JPH1: variants seen among roughly 807,000 people sequenced by gnomAD.
The protein encoded by JPH1 is junctophilin 1.
In JPH1, 12 loss-of-function variants were observed where a neutral mutation model predicts 53.6. That is an observed-to-expected ratio of 0.22 (90% confidence interval 0.14 to 0.36). The LOEUF is 0.36. JPH1 is among the 10% of genes least tolerant of loss of function. JPH1 has a pLI of 1.00. For missense variants in JPH1, 808 were observed against 905.5 expected, an observed-to-expected ratio of 0.89 and a Z score of 1.38; for synonymous variants, 375 against 363.8, an observed-to-expected ratio of 1.03 and a Z score of -0.35.
chr8:74,312,248 A>G (rs1808018140), intron 2 of JPH1, among the ~76,000 whole-genome samples: 1 of 150,098 alleles, frequency 6.7e-6, no homozygotes, highest in African/African-American at 2.5e-5. Flanking sequence ...CCTTCTTAAC[A>G]AATTCTTTTT....
chr8:74,270,143 G>C (rs1348980426), intron 2 of JPH1, among the ~76,000 whole-genome samples: 1 of 151,910 alleles, frequency 6.6e-6, no homozygotes, highest in African/African-American at 2.4e-5. Flanking sequence ...ACACAGTTTA[G>C]GAAACATCTT....
intron 2 of JPH1, among the ~76,000 whole-genome samples, chr8:74,284,273 AAAAT>A (rs1309090073): frequency 1.3e-5 from 2 of 152,232 alleles, no homozygotes; most frequent in African/African-American, 4.8e-5. Flanking sequence ...AAATTTTTAT[AAAAT>A]AAAATGCAGG....
At chr8:74,285,055 C>T (rs1287412801) in intron 2 of JPH1, among the ~76,000 whole-genome samples, 1 of 152,064 alleles carries the variant, frequency 6.6e-6, no homozygotes, top group East Asian at 1.9e-4. Flanking sequence ...GAACTCCTGA[C>T]CTTGTAATCC....
chr8:74,254,432 A>G (rs1390199782), intron 3 of JPH1, among the ~76,000 whole-genome samples: 1 of 152,234 alleles, frequency 6.6e-6, no homozygotes, highest in Non-Finnish European at 1.5e-5. Context: ...CCCACAGCCA[A>G]TATCATACTG....
chr8:74,258,637 T>C (rs775727366), intron 3 of JPH1, among the ~76,000 whole-genome samples: 13 of 152,292 alleles, frequency 8.5e-5, no homozygotes, highest in South Asian at 4.1e-4. Flanking sequence ...CTTTGAACTT[T>C]AGTTCAGATA....
At chr8:74,252,120 T>C (rs1289727457) in intron 3 of JPH1, among the ~76,000 whole-genome samples, 1 of 152,186 alleles carries the variant, frequency 6.6e-6, no homozygotes, top group East Asian at 1.9e-4. Context: ...GCTAGCCATA[T>C]GTAGAAAGCT....
chr8:74,319,891 C>T (rs1475322216), intron 1 of JPH1, among the ~76,000 whole-genome samples: 2 of 152,214 alleles, frequency 1.3e-5, no homozygotes, highest in Non-Finnish European at 2.9e-5. Flanking sequence ...CAAGGAAATT[C>T]ATCAGGTTTT....
rs1048089029 is a variant in JPH1, at chr8:74,320,255, A to T, written c.379+654T>A. The stretch of plus-strand genomic sequence containing the variant: ...CCAATACTTTAAGAAACGGAATGAA[A>T]ACTAGGAACTCACACACTCTGAACT... On this transcript the variant is annotated intron_variant, in intron 1 of 5. Transcript: ENST00000342232. The surrounding 1 kb of genome is among the most constrained non-coding windows in gnomAD (Gnocchi z 4.4). 3.3e-5 allele frequency among the ~76,000 whole-genome samples: 5 copies of T among 152,180 alleles called. No homozygotes were observed. The highest frequency in any genetic ancestry group is 7.4e-5 in the Non-Finnish European group (5 of 68,024).
At chr8:74,301,300 C>T (rs1217264550) in intron 2 of JPH1, among the ~76,000 whole-genome samples, 1 of 152,194 alleles carries the variant, frequency 6.6e-6, no homozygotes, top group African/African-American at 2.4e-5. Context: ...TTTGAAGACT[C>T]CCCAAAGCCA....
At chr8:74,240,751 T>C (rs1281140362) in intron 4 of JPH1, among the ~76,000 whole-genome samples, 1 of 152,220 alleles carries the variant, frequency 6.6e-6, no homozygotes, top group Non-Finnish European at 1.5e-5. Context: ...ACATAGACTT[T>C]GGTGTCTTAC....
At chr8:74,279,880 C>T (rs1478218270) in intron 2 of JPH1, among the ~76,000 whole-genome samples, 1 of 152,028 alleles carries the variant, frequency 6.6e-6, no homozygotes. Flanking sequence ...CTTGAATATT[C>T]GATAGTTGTG....
chr8:74,315,744 T>G lies in JPH1; in HGVS notation c.380-124A>C. The G allele has an allele frequency of 1.1e-6, 1 of 924,010 alleles. No individual in the cohort carries two copies. The highest frequency in any genetic ancestry group is 1.5e-6 in the Non-Finnish European group (1 of 652,808). 57.2% of individuals were successfully genotyped at this position (924,010 alleles called of 1,614,324 possible). A position where few individuals can be genotyped will look rare whatever the true frequency, so the allele number is the denominator to read the frequency against. ...ATCTGACCCATTTCCAAGTCAACCC[T>G]GGGGGATACTTTGCATCCACTTGTG... On this transcript the variant is annotated intron_variant, in intron 1 of 5. Transcript: ENST00000342232. This position sits in a 1 kb window ranked among gnomAD's most constrained non-coding sequence, Gnocchi z 6.3.
At chr8:74,291,118 A>C (rs1807313429) in intron 2 of JPH1, among the ~76,000 whole-genome samples, 1 of 152,202 alleles carries the variant, frequency 6.6e-6, no homozygotes, top group East Asian at 1.9e-4. Flanking sequence ...AACAAAAGCC[A>C]AAATTGACAA....
intron 2 of JPH1, among the ~76,000 whole-genome samples, chr8:74,286,590 T>G (rs1586758490): frequency 6.6e-6 from 1 of 152,316 alleles, no homozygotes; most frequent in East Asian, 1.9e-4. Flanking sequence ...TACCTTCCCC[T>G]ACAGTTCATT....
chr8:74,272,834 G>A (rs913625884), intron 2 of JPH1, among the ~76,000 whole-genome samples: 1 of 152,048 alleles, frequency 6.6e-6, no homozygotes, highest in East Asian at 1.9e-4. Context: ...TCGATCTCCT[G>A]ACCTCGTGAT....
At position 74,246,810 on chromosome 8, in the gene JPH1, C is replaced by T. The variant is rs549063155; in HGVS notation, c.1259-1635G>A. On this transcript the variant is annotated intron_variant, in intron 3 of 5. Coordinates refer to ENST00000342232, the MANE Select transcript of JPH1 (RefSeq NM_020647.4). ...AAGTTTCCCAAATTTGTCAAGATCG[C>T]ACATGGACAATTGAGACTTCCTTTC... 6.6e-5 allele frequency among the ~76,000 whole-genome samples: 10 copies of T among 152,312 alleles called. No individual in the cohort carries two copies. In the East Asian group the frequency reaches 1.9e-3, roughly 29 times the overall value.
At chr8:74,247,380 G>A (rs981937694) in intron 3 of JPH1, among the ~76,000 whole-genome samples, 1 of 152,082 alleles carries the variant, frequency 6.6e-6, no homozygotes, top group Non-Finnish European at 1.5e-5. Flanking sequence ...AATAGTCAAG[G>A]GCCTTGGAGC....
chr8:74,303,639 A>C (rs932580232), intron 2 of JPH1, among the ~76,000 whole-genome samples: 2 of 152,152 alleles, frequency 1.3e-5, no homozygotes, highest in African/African-American at 4.8e-5. Context: ...GATGGAATGC[A>C]GTGGCGTGAT....
intron 2 of JPH1, among the ~76,000 whole-genome samples, chr8:74,282,101 A>G (rs1807031156): frequency 6.6e-6 from 1 of 152,198 alleles, no homozygotes; most frequent in Non-Finnish European, 1.5e-5. Context: ...TTTCCCTATC[A>G]GTATCCTAAA....
Sources: gnomAD v4.1 joint callset for allele counts (sites outside exome capture counted in the v4.1 genomes callset) on GRCh38, gnomAD v4.1.1 for gene constraint, Gnocchi (gnomAD v3.1) non-coding constraint, MANE v1.5 for transcripts, NCBI Gene and HGNC (gene_info 2026-07-23, HGNC 2026-07-21) for gene names.